Variants in RASL11B observed in about 807,000 individuals in gnomAD.
RASL11B encodes RAS like family 11 member B.
A neutral mutation model predicts 22.9 loss-of-function variants in RASL11B; 14 were observed. The observed-to-expected ratio is 0.61, with a 90% CI of 0.40 to 0.96. RASL11B has a LOEUF of 0.96. RASL11B is among the 40% of genes least tolerant of loss of function. The probability of loss-of-function intolerance (pLI) is 0.00; values close to 1 mark genes in which losing one functional copy is unlikely to be tolerated. For synonymous variants in RASL11B, 143 were observed against 130.2 expected, an observed-to-expected ratio of 1.10 and a Z score of -0.67; for missense variants, 261 against 322.0, an observed-to-expected ratio of 0.81 and a Z score of 1.45.
chr4:52,862,564 C>T lies in RASL11B; in HGVS notation c.57C>T (p.Ala19=), dbSNP rs1718179284. The change falls in exon 1 of 4, where the codon GCC becomes GCT. Residue 19 remains alanine (A), a synonymous_variant. Coordinates refer to ENST00000248706, the MANE Select transcript of RASL11B (RefSeq NM_023940.3). ...TIAEYPAPGN[A]AASDCCVGAA... ...CCGAGTACCCCGCGCCGGGCAACGC[C>T]GCGGCCTCCGACTGCTGTGTGGGCG... 1.2e-6 allele frequency: 2 copies of T among 1,604,628 alleles called. No homozygotes were observed. The highest frequency in any genetic ancestry group is 1.3e-5 in the African/African-American group (1 of 74,202).
At chr4:52,863,120 G>A in intron 1 of RASL11B, 148 bp from the exon 2 acceptor site, 1 of 700,482 alleles carries the variant, frequency 1.4e-6, no homozygotes, top group South Asian at 1.7e-5. Flanking sequence ...TGTCTGGAAA[G>A]AAGGGTCAAG....
chr4:52,865,460 G>A lies in RASL11B; in HGVS notation c.402G>A (p.Gln134=). The A allele has an allele frequency of 4.3e-6, 7 of 1,614,180 alleles. No homozygotes were observed. The highest frequency in any genetic ancestry group is 5.9e-6 in the Non-Finnish European group (7 of 1,180,038). The change falls in exon 4 of 4, where the codon CAG becomes CAA. Residue 134 remains glutamine (Q), a synonymous_variant. Transcript: ENST00000248706. ...ATGAACTCATCAGCCAGCTCCACCA[G>A]CACGTGCAGCAGCTACACCTGGGCA... ...KSYELISQLH[Q]HVQQLHLGTR...
At position 52,865,466 on chromosome 4, in the gene RASL11B, G is replaced by A. The variant is rs1402395677; in HGVS notation, c.408G>A (p.Val136=). ...YELISQLHQH[V]QQLHLGTRLP... ...TCATCAGCCAGCTCCACCAGCACGT[G>A]CAGCAGCTACACCTGGGCACCCGGC... The change falls in exon 4 of 4, where the codon GTG becomes GTA. Residue 136 remains valine (V), a synonymous_variant. Transcript: ENST00000248706. 1 of 1,614,200 alleles carries A rather than the reference G, an allele frequency of 6.2e-7. No homozygotes were observed. Among genetic ancestry groups the A allele is most frequent in the East Asian group, 2.2e-5 (1 of 44,880 alleles).
rs1478455389 is a variant in RASL11B at position 52,865,913 on chromosome 4, CT to C, written c.*109del. 1 of 841,492 alleles carries C rather than the reference CT, an allele frequency of 1.2e-6. No individual in the cohort carries two copies. Among genetic ancestry groups the C allele is most frequent in the African/African-American group, 1.7e-5 (1 of 58,476 alleles). 52.1% of individuals were successfully genotyped at this position (841,492 alleles called of 1,614,324 possible). On this transcript the variant is annotated 3_prime_UTR_variant, in exon 4 of 4. Coordinates refer to ENST00000248706, the MANE Select transcript of RASL11B (RefSeq NM_023940.3). Reference sequence around the variant, plus strand: ...CAATGATTCCTGGTTCCAGAAAGGGCTGGAGCAGAAGGGCCAAGAGGGCCTG... The same window carrying C: ...CAATGATTCCTGGTTCCAGAAAGGGCGGAGCAGAAGGGCCAAGAGGGCCTG...
chr4:52,863,547 A>G (rs988965312), intron 2 of RASL11B: 1 of 579,362 alleles, frequency 1.7e-6, no homozygotes, highest in Non-Finnish European at 3.1e-6. Context: ...CAAGTGCCTG[A>G]AAGTATTCCC....
rs534026554 is a variant in RASL11B, at chr4:52,864,622, A to C, written c.276+68A>C. 3.7e-5 allele frequency: 38 copies of C among 1,023,488 alleles called. No individual in the cohort carries two copies. The East Asian group carries it at 5.5e-4, about 15-fold the overall frequency. 63.4% of individuals were successfully genotyped at this position (1,023,488 alleles called of 1,614,324 possible). ...GCTGTGGAATCACTCACTTCTTCTC[A>C]AAGTTCCTCATGCTGCAGGATCAGA... On this transcript the variant is annotated intron_variant, in intron 3 of 3. Transcript: ENST00000248706.
At chr4:52,864,334 GAAGT>G (rs566573444) in intron 2 of RASL11B, 140 bp from the exon 3 acceptor site, 5 of 572,630 alleles carry the variant, frequency 8.7e-6, no homozygotes, top group South Asian at 5.9e-5. Context: ...AAAAAAATCT[GAAGT>G]AAGCCCACCA....
rs372414041 is a variant in RASL11B, at chr4:52,863,343, G to T, written c.199+19G>T. Reference sequence around the variant, plus strand: ...AATGCAGGTGAGACAATGCATTTGAGAAAAATTCTGTCCCATTGCAGGAGG... The same window carrying T: ...AATGCAGGTGAGACAATGCATTTGATAAAAATTCTGTCCCATTGCAGGAGG... On this transcript the variant is annotated intron_variant, in intron 2 of 3. Transcript: ENST00000248706. 6.8e-6 allele frequency: 11 copies of T among 1,606,210 alleles called. No individual in the cohort carries two copies. In the African/African-American group the frequency reaches 1.5e-4, roughly 21 times the overall value.
In RASL11B at chr4:52,864,565, C is replaced by G. The variant is rs1180704308; in HGVS notation, c.276+11C>G. ...ACTCCAGGTATTCAGGTGAGAAGCT[C>G]TGAGACTCTGGGTGAAAGGGGAACC... On this transcript the variant is annotated intron_variant, in intron 3 of 3. Transcript: ENST00000248706. 1.9e-6 allele frequency: 3 copies of G among 1,574,236 alleles called. No individual in the cohort carries two copies. Among genetic ancestry groups the G allele is most frequent in the African/African-American group, 1.3e-5 (1 of 74,134 alleles).
At chr4:52,864,434 T>C in intron 2 of RASL11B, 44 bp from the exon 3 acceptor site, 6 of 1,244,942 alleles carry the variant, frequency 4.8e-6, no homozygotes, top group Non-Finnish European at 7.1e-6. Context: ...TTTTAAAAGT[T>C]GTACAAGAAG....
At position 52,863,279 on chromosome 4, in the gene RASL11B, C is replaced by G; in HGVS notation, c.154C>G (p.Arg52Gly). The G allele has an allele frequency of 6.2e-7, 1 of 1,613,720 alleles. No homozygotes were observed. Among genetic ancestry groups the G allele is most frequent in the Non-Finnish European group, 8.5e-7 (1 of 1,179,828 alleles). Reference protein sequence around the residue: ...SGVGKTALVVRFLTKRFIGDY... With the variant: ...SGVGKTALVVGFLTKRFIGDY... ...TTTCTGACGTGCAGCACTGGTGGTC[C>G]GGTTCCTCACCAAACGATTCATCGG... is the stretch of plus-strand genomic sequence containing the variant. The change falls in exon 2 of 4, where the codon CGG becomes GGG. Residue 52 changes from arginine to glycine, a missense_variant. Transcript: ENST00000248706.
Position 52,865,693 on chromosome 4 carries a change from A to T in RASL11B, c.635A>T (p.Glu212Val). 1 of 1,614,128 alleles carries T rather than the reference A, an allele frequency of 6.2e-7. No homozygotes were observed. Among genetic ancestry groups the T allele is most frequent in the Non-Finnish European group, 8.5e-7 (1 of 1,180,016 alleles). ...AAACAGCAGCCTAGCAGTACACCCG[A>T]GAAGCGAAGAACCTCCCTCATTCCC... The part of the protein sequence containing the change: ...SHKQQPSSTP[E>V]KRRTSLIPRP... Residue 212 changes from glutamate (E) to valine (V), a missense_variant, in exon 4 of 4, where the codon GAG becomes GTG. By Grantham distance (121) the Glu-to-Val change is moderately radical. Transcript: ENST00000248706.
chr4:52,862,670 C>T, intron 1 of RASL11B, 21 bp downstream of exon 1: 2 of 1,545,262 alleles, frequency 1.3e-6, no homozygotes, highest in South Asian at 1.2e-5. Context: ...GCGCTTAGCC[C>T]TGGGTCTGGT....
intron 2 of RASL11B, chr4:52,864,274 C>A: frequency 2.1e-6 from 1 of 475,494 alleles, no homozygotes; most frequent in East Asian, 3.4e-5. Context: ...GCAAACTTTG[C>A]CCTGGTTTTA....
At chr4:52,863,391 G>A (rs1718198910) in intron 2 of RASL11B, 67 bp downstream of exon 2, 6 of 1,345,050 alleles carry the variant, frequency 4.5e-6, no homozygotes, top group Non-Finnish European at 6.3e-6. Context: ...ATTTTCCAGC[G>A]CTTCCCAGGG....
rs1718251791 is a variant in RASL11B, at chr4:52,865,931, G to T, written c.*126G>T. ...GAAAGGGCTGGAGCAGAAGGGCCAA[G>T]AGGGCCTGTGGAACTGCTACAGAAA... On this transcript the variant is annotated 3_prime_UTR_variant, in exon 4 of 4. Transcript: ENST00000248706. 2 of 694,266 alleles carry T rather than the reference G, an allele frequency of 2.9e-6. No homozygotes were observed. The highest frequency in any genetic ancestry group is 3.6e-5 in the African/African-American group (2 of 55,564). The allele number at this position is 694,266 out of a possible 1,614,324, so 43.0% of individuals were successfully genotyped here. A position where few individuals can be genotyped will look rare whatever the true frequency, so the allele number is the denominator to read the frequency against.
In RASL11B at chr4:52,865,890, A is replaced by T. The variant is rs563478513; in HGVS notation, c.*85A>T. The T allele has an allele frequency of 2.0e-6, 2 of 989,028 alleles. No homozygotes were observed. The highest frequency in any genetic ancestry group is 3.0e-6 in the Non-Finnish European group (2 of 665,656). The allele number at this position is 989,028 out of a possible 1,614,324, so 61.3% of individuals were successfully genotyped here. The stretch of plus-strand genomic sequence containing the variant: ...AGTGCAGGAACGTTGAATATTGGCA[A>T]TGATTCCTGGTTCCAGAAAGGGCTG... On this transcript the variant is annotated 3_prime_UTR_variant, in exon 4 of 4. Coordinates refer to ENST00000248706, the MANE Select transcript of RASL11B (RefSeq NM_023940.3).
At chr4:52,864,423 G>A in intron 2 of RASL11B, 55 bp from the exon 3 acceptor site, 1 of 1,146,300 alleles carries the variant, frequency 8.7e-7, no homozygotes, top group South Asian at 1.3e-5. Flanking sequence ...AACTCACAAT[G>A]TTTTAAAAGT....
In RASL11B at chr4:52,866,133, A is replaced by G; in HGVS notation, c.*328A>G. ...GTAAATGGTGGTCCGTTGCAGTTTC[A>G]CCAAATGTATTGATGTGATTTACAG... On this transcript the variant is annotated 3_prime_UTR_variant, in exon 4 of 4. Transcript: ENST00000248706. 1 of 323,430 alleles carries G rather than the reference A, an allele frequency of 3.1e-6. No homozygotes were observed. The highest frequency in any genetic ancestry group is 5.7e-6 in the Non-Finnish European group (1 of 174,788). 20.0% of individuals were successfully genotyped at this position (323,430 alleles called of 1,614,324 possible). A position where few individuals can be genotyped will look rare whatever the true frequency, so the allele number is the denominator to read the frequency against.
Sources: allele counts gnomAD v4.1 joint callset, GRCh38; gene constraint gnomAD v4.1.1; transcripts MANE v1.5; gene names NCBI Gene and HGNC (gene_info 2026-07-23, HGNC 2026-07-21).